The following FERRY3 variants were observed in gnomAD, a reference collection of about 807,000 sequenced individuals.
FERRY3 encodes FERRY endosomal RAB5 effector complex subunit 3.
the FERRY3 span, among the ~76,000 whole-genome samples, chr12:4,516,750 T>G: frequency 6.6e-6 from 1 of 152,138 alleles, no homozygotes; most frequent in Admixed American, 6.5e-5. Context: ...TAATAGACGA[T>G]GGGCTTAATA....
At chr12:4,525,238 A>T in the FERRY3 span, 2 of 1,611,094 alleles carry the variant, frequency 1.2e-6, no homozygotes, top group African/African-American at 2.7e-5. Context: ...GAATAAGAAC[A>T]ATACATAGTT....
chr12:4,538,435 G>A, the FERRY3 span: 2 of 167,040 alleles, frequency 1.2e-5, no homozygotes, highest in East Asian at 3.3e-4. Flanking sequence ...GTCCTGGGCA[G>A]TCCGCTCACT....
the FERRY3 span, among the ~76,000 whole-genome samples, chr12:4,504,245 A>G: frequency 6.6e-6 from 1 of 152,244 alleles, no homozygotes; most frequent in African/African-American, 2.4e-5. Flanking sequence ...TGTGATCTAC[A>G]TGTCAAAGAT....
At chr12:4,523,566 C>G in the FERRY3 span, among the ~76,000 whole-genome samples, 2 of 152,152 alleles carry the variant, frequency 1.3e-5, no homozygotes, top group Admixed American at 1.3e-4. Flanking sequence ...ACCCAAATGT[C>G]CATCAATGAT....
the FERRY3 span, chr12:4,517,027 T>A: frequency 1.4e-6 from 2 of 1,466,646 alleles, no homozygotes; most frequent in Non-Finnish European, 9.1e-7. Flanking sequence ...ACAGTGATTA[T>A]AGACAGAATA....
At chr12:4,499,645 T>C in the FERRY3 span, among the ~76,000 whole-genome samples, 1 of 152,180 alleles carries the variant, frequency 6.6e-6, no homozygotes, top group Non-Finnish European at 1.5e-5. Context: ...TTGAGACAAA[T>C]GTTAAACTAA....
chr12:4,525,132 T>C, the FERRY3 span: 3 of 1,223,430 alleles, frequency 2.5e-6, no homozygotes, highest in Non-Finnish European at 3.4e-6. Flanking sequence ...CAGCATAAAA[T>C]TGTCTTGAAC....
chr12:4,501,102 T>C, the FERRY3 span, among the ~76,000 whole-genome samples: 1 of 152,186 alleles, frequency 6.6e-6, no homozygotes, highest in African/African-American at 2.4e-5. Flanking sequence ...TTTCCCTCAA[T>C]GCCTATCACC....
At chr12:4,531,577 G>A in the FERRY3 span, among the ~76,000 whole-genome samples, 17 of 152,192 alleles carry the variant, frequency 1.1e-4, no homozygotes, top group Admixed American at 4.6e-4. Flanking sequence ...ACTAGAAAGG[G>A]GACTGGGACG....
chr12:4,521,875 T>C, the FERRY3 span, among the ~76,000 whole-genome samples: 6 of 152,194 alleles, frequency 3.9e-5, no homozygotes, highest in African/African-American at 9.7e-5. Context: ...TGATCTTCCA[T>C]TAGGCAAAGG....
At chr12:4,536,433 G>A in the FERRY3 span, among the ~76,000 whole-genome samples, 2 of 151,100 alleles carry the variant, frequency 1.3e-5, no homozygotes, top group Non-Finnish European at 2.9e-5. Context: ...TTTTAAACTT[G>A]ATTTAAGAAA....
the FERRY3 span, among the ~76,000 whole-genome samples, chr12:4,496,445 G>A: frequency 0.036 from 5,523 of 152,254 alleles, 333 homozygotes; most frequent in African/African-American, 0.12. Flanking sequence ...TAATGGAAAA[G>A]TGACTAAATC....
the FERRY3 span, chr12:4,490,600 A>C: frequency 1.9e-3 from 3,078 of 1,607,024 alleles, 52 homozygotes; most frequent in African/African-American, 0.036. Flanking sequence ...CTAAAATAGA[A>C]AAACAGATGT....
At chr12:4,534,497 G>A in the FERRY3 span, among the ~76,000 whole-genome samples, 12 of 152,166 alleles carry the variant, frequency 7.9e-5, no homozygotes, top group African/African-American at 2.9e-4. Flanking sequence ...CTGAATTCCC[G>A]GACTCCAGTG....
chr12:4,503,471 C>T, the FERRY3 span, among the ~76,000 whole-genome samples: 1 of 152,086 alleles, frequency 6.6e-6, no homozygotes, highest in Non-Finnish European at 1.5e-5. Flanking sequence ...TAAACTATGA[C>T]TGGCTTACAA....
the FERRY3 span, chr12:4,530,064 TACAG>T: frequency 1.3e-6 from 2 of 1,592,912 alleles, no homozygotes; most frequent in Non-Finnish European, 8.5e-7. Flanking sequence ...CAAGATAATA[TACAG>T]ACAATCTTAA....
the FERRY3 span, chr12:4,536,218 A>T: frequency 6.7e-7 from 1 of 1,498,146 alleles, no homozygotes; most frequent in African/African-American, 1.4e-5. Context: ...ATTTCTACAG[A>T]ACTAACAAAA....
At chr12:4,489,238 T>A in the FERRY3 span, 1 of 152,654 alleles carries the variant, frequency 6.6e-6, no homozygotes, top group African/African-American at 2.4e-5. Context: ...GACTCTAACT[T>A]GTACATCCTT....
the FERRY3 span, among the ~76,000 whole-genome samples, chr12:4,514,574 G>C: frequency 3.0e-4 from 46 of 151,972 alleles, 1 homozygote; most frequent in Admixed American, 3.0e-3. Context: ...CATAAAAAAT[G>C]ATGAGTTCAT....
Sources: gnomAD v4.1 joint callset for allele counts (sites outside exome capture counted in the v4.1 genomes callset) on GRCh38, gnomAD v4.1.1 for gene constraint, MANE v1.5 for transcripts, NCBI Gene and HGNC (gene_info 2026-07-23, HGNC 2026-07-21) for gene names.